The following EYS variants were observed in gnomAD, a reference collection of about 807,000 sequenced individuals.
The protein encoded by EYS is protein eyes shut homolog.
Under a neutral mutation model 282.1 loss-of-function variants are expected in EYS, and 250 were observed. The ratio of observed to expected loss-of-function variants is 0.89; its 90% confidence interval spans 0.80 to 0.98. The LOEUF is 0.98. Ranked by LOEUF, EYS falls within the 50% of genes least tolerant of loss-of-function variation. The probability of loss-of-function intolerance (pLI) is 0.00; values close to 1 mark genes in which losing one functional copy is unlikely to be tolerated. For missense variants in EYS, 4,016 were observed against 3,709.0 expected, an observed-to-expected ratio of 1.08 and a Z score of -2.15; for synonymous variants, 1,355 against 1,282.9, an observed-to-expected ratio of 1.06 and a Z score of -1.20.
chr6:63,897,037 A>G (rs1773552255), intron 35 of EYS, among the ~76,000 whole-genome samples: 1 of 152,202 alleles, frequency 6.6e-6, no homozygotes, highest in South Asian at 2.1e-4. Context: ...ATAAATGATT[A>G]CAATATGCAG....
chr6:64,756,542 T>G (rs544454056), intron 22 of EYS, among the ~76,000 whole-genome samples: 1 of 152,314 alleles, frequency 6.6e-6, no homozygotes, highest in East Asian at 1.9e-4. Flanking sequence ...TTATGACATT[T>G]TTATAATCAC....
chr6:64,601,861 C>A (rs1766771842), intron 24 of EYS, among the ~76,000 whole-genome samples: 1 of 152,052 alleles, frequency 6.6e-6, no homozygotes, highest in South Asian at 2.1e-4. Context: ...AGTTACTGTG[C>A]TCAACTCCCA....
chr6:65,421,912 T>C (rs1767479208), intron 5 of EYS, among the ~76,000 whole-genome samples: 1 of 151,812 alleles, frequency 6.6e-6, no homozygotes, highest in Non-Finnish European at 1.5e-5. Flanking sequence ...ATTACAATAG[T>C]AACATCAAAG....
rs545386973 is a variant in EYS, at chr6:65,378,200, A to G, written c.1299+6186T>C. Among the ~76,000 whole-genome samples, 3 of 152,260 alleles carry G rather than the reference A, an allele frequency of 2.0e-5. No individual in the cohort carries two copies. The East Asian group carries it at 5.8e-4, about 29-fold the overall frequency. The stretch of plus-strand genomic sequence containing the variant: ...ACAAATTTACAAGACAAAAACAATC[A>G]ACCTCATCAAAAAGTGTGTGAAGGA... On this transcript the variant is annotated intron_variant, in intron 8 of 42. Transcript: ENST00000503581.
At chr6:64,613,244 A>G in intron 24 of EYS, among the ~76,000 whole-genome samples, 1 of 152,154 alleles carries the variant, frequency 6.6e-6, no homozygotes, top group Non-Finnish European at 1.5e-5. Flanking sequence ...ACTCTGAAAA[A>G]CAAGACAACC....
intron 12 of EYS, among the ~76,000 whole-genome samples, chr6:65,275,988 A>AAAACAAAC (rs369037503): frequency 1.9e-4 from 29 of 152,064 alleles, no homozygotes; most frequent in African/African-American, 7.0e-4. Context: ...ATAAAAAAAC[A>AAAACAAAC]AAACAAACAA....
intron 22 of EYS, among the ~76,000 whole-genome samples, chr6:64,781,889 T>C (rs2149994229): frequency 6.6e-6 from 1 of 152,336 alleles, no homozygotes; most frequent in East Asian, 1.9e-4. Flanking sequence ...ACATAACTCA[T>C]ATTATGTTTC....
At chr6:65,071,644 A>G (rs1773906058) in intron 12 of EYS, among the ~76,000 whole-genome samples, 1 of 151,876 alleles carries the variant, frequency 6.6e-6, no homozygotes, top group Non-Finnish European at 1.5e-5. Flanking sequence ...TGTCACATAC[A>G]TCTGTTCAAC....
intron 26 of EYS, among the ~76,000 whole-genome samples, chr6:64,492,131 A>G (rs1488190667): frequency 6.6e-6 from 1 of 151,202 alleles, no homozygotes; most frequent in Non-Finnish European, 1.5e-5. Context: ...TCTTTTTTCA[A>G]TAATAAATCA....
intron 12 of EYS, among the ~76,000 whole-genome samples, chr6:65,104,552 A>T (rs1370285463): frequency 1.3e-5 from 2 of 151,464 alleles, no homozygotes; most frequent in East Asian, 3.9e-4. Flanking sequence ...ATTGGAAGTA[A>T]CTGTTTTACT....
chr6:65,176,341 A>G (rs1581983766), intron 12 of EYS, among the ~76,000 whole-genome samples: 1 of 151,638 alleles, frequency 6.6e-6, no homozygotes, highest in African/African-American at 2.4e-5. Context: ...TTGTAAAGCA[A>G]TGTAGAAGTC....
chr6:65,205,215 A>G (rs1048114899), intron 12 of EYS, among the ~76,000 whole-genome samples: 9 of 151,042 alleles, frequency 6.0e-5, no homozygotes, highest in African/African-American at 2.2e-4. Context: ...AGTAAAAGAT[A>G]TAGCACACAA....
chr6:63,771,352 G>A (rs1769922618), intron 40 of EYS, among the ~76,000 whole-genome samples: 1 of 152,136 alleles, frequency 6.6e-6, no homozygotes. Flanking sequence ...TACTGCAGTG[G>A]TGGGGTGACC....
rs142855021 is a variant in EYS at position 65,095,870 on chromosome 6, T to C, written c.2024-38143A>G. 4.6e-5 allele frequency among the ~76,000 whole-genome samples: 7 copies of C among 151,202 alleles called. No individual in the cohort carries two copies. In the East Asian group the frequency reaches 1.4e-3, roughly 29 times the overall value. On this transcript the variant is annotated intron_variant, in intron 12 of 42. Coordinates refer to ENST00000503581, the MANE Select transcript of EYS (RefSeq NM_001142800.2). ...TCAAGGGCAAAAAACGGAAAACTTT[T>C]CCTCTATGATCAGAAACAGGGTGAG...
intron 26 of EYS, among the ~76,000 whole-genome samples, chr6:64,469,226 T>C (rs1400621589): frequency 1.3e-5 from 2 of 152,114 alleles, no homozygotes; most frequent in Admixed American, 1.3e-4. Context: ...GTGATTTTGA[T>C]TTGCATTTTT....
At chr6:63,882,705 G>T (rs929259665) in intron 35 of EYS, among the ~76,000 whole-genome samples, 1 of 152,156 alleles carries the variant, frequency 6.6e-6, no homozygotes, top group Non-Finnish European at 1.5e-5. Flanking sequence ...AGCACAGCAG[G>T]CGGCCTATTT....
At chr6:64,942,935 G>A (rs903745374) in intron 15 of EYS, among the ~76,000 whole-genome samples, 4 of 149,420 alleles carry the variant, frequency 2.7e-5, no homozygotes, top group Admixed American at 6.7e-5. Flanking sequence ...AACACAAAAA[G>A]AAAACTACAG....
At chr6:64,546,477 T>G (rs1478538727) in intron 26 of EYS, among the ~76,000 whole-genome samples, 2 of 152,162 alleles carry the variant, frequency 1.3e-5, no homozygotes, top group Admixed American at 6.5e-5. Context: ...ACTTCATGTC[T>G]AAAACACCAA....
In EYS at chr6:64,797,379, T is replaced by C. The variant is rs565271733; in HGVS notation, c.3443+15999A>G. ...GTGAGATTATTGTTAACAGACACTT[T>C]ATGCCTGAACAGTTTGTTATCTAAA... On this transcript the variant is annotated intron_variant, in intron 22 of 42. Coordinates refer to ENST00000503581, the MANE Select transcript of EYS (RefSeq NM_001142800.2). Among the ~76,000 whole-genome samples, 41 of 152,178 alleles carry C rather than the reference T, an allele frequency of 2.7e-4. 1 individual carries two copies. Among genetic ancestry groups the C allele is most frequent in the Admixed American group, 1.4e-3 (21 of 15,286 alleles).
Sources: gnomAD v4.1 joint callset for allele counts (sites outside exome capture counted in the v4.1 genomes callset) on GRCh38, gnomAD v4.1.1 for gene constraint, MANE v1.5 for transcripts, NCBI Gene and HGNC (gene_info 2026-07-23, HGNC 2026-07-21) for gene names.